Variants in PLCB4 observed in about 807,000 individuals in gnomAD.
The protein encoded by PLCB4 is phospholipase C beta 4, also known as 1-phosphatidylinositol 4,5-bisphosphate phosphodiesterase beta-4.
A neutral mutation model predicts 178.8 loss-of-function variants in PLCB4; 77 were observed. The observed-to-expected ratio is 0.43, with a 90% CI of 0.36 to 0.52. PLCB4 has a LOEUF of 0.52. Ranked by LOEUF, PLCB4 falls within the 20% of genes least tolerant of loss-of-function variation. The pLI is 0.00. For missense variants in PLCB4, 1,024 were observed against 1,453.4 expected, an observed-to-expected ratio of 0.70 and a Z score of 4.80; for synonymous variants, 496 against 490.8, an observed-to-expected ratio of 1.01 and a Z score of -0.14.
intron 2 of PLCB4, among the ~76,000 whole-genome samples, chr20:9,119,700 G>T (rs1304598788): frequency 1.3e-5 from 2 of 152,086 alleles, no homozygotes; most frequent in Non-Finnish European, 2.9e-5. Flanking sequence ...ATTTGTCAAG[G>T]TTAATGACTG....
chr20:9,105,698 A>T (rs1249985201), intron 2 of PLCB4, among the ~76,000 whole-genome samples: 4 of 152,058 alleles, frequency 2.6e-5, no homozygotes, highest in Admixed American at 2.6e-4. Context: ...GGTGTTTCAG[A>T]TTGGTAGGAA....
chr20:9,348,214 A>C (rs1806323104), intron 7 of PLCB4, among the ~76,000 whole-genome samples: 1 of 152,144 alleles, frequency 6.6e-6, no homozygotes, highest in African/African-American at 2.4e-5. Context: ...TGTGGACATT[A>C]AAGGTTGAGA....
At chr20:9,276,073 C>T (rs1376864787) in intron 3 of PLCB4, among the ~76,000 whole-genome samples, 1 of 152,012 alleles carries the variant, frequency 6.6e-6, no homozygotes, top group East Asian at 1.9e-4. Context: ...AAATGTGTCA[C>T]CTAGGTAGGC....
At chr20:9,154,911 CCT>C in intron 2 of PLCB4, among the ~76,000 whole-genome samples, 1 of 102,800 alleles carries the variant, frequency 9.7e-6, no homozygotes, top group Admixed American at 9.9e-5. Flanking sequence ...TTCCCTCCTT[CCT>C]TCCTTCCTTC....
chr20:9,444,815 A>G (rs1602783415), intron 32 of PLCB4, among the ~76,000 whole-genome samples: 1 of 152,110 alleles, frequency 6.6e-6, no homozygotes, highest in African/African-American at 2.4e-5. Context: ...AATATTGAAG[A>G]CCAGCTCACA....
intron 3 of PLCB4, among the ~76,000 whole-genome samples, chr20:9,247,654 A>C (rs1276993947): frequency 3.3e-5 from 5 of 152,114 alleles, no homozygotes; most frequent in Non-Finnish European, 5.9e-5. Context: ...TTTGATTTTT[A>C]TTTGTTGAGT....
At chr20:9,115,217 T>TA (rs1237157041) in intron 2 of PLCB4, among the ~76,000 whole-genome samples, 2 of 152,114 alleles carry the variant, frequency 1.3e-5, no homozygotes, top group African/African-American at 4.8e-5. Context: ...CCATAAATCT[T>TA]ACGTTATTCA....
intron 3 of PLCB4, among the ~76,000 whole-genome samples, chr20:9,305,671 A>G (rs1568556737): frequency 1.3e-5 from 2 of 152,166 alleles, no homozygotes; most frequent in Non-Finnish European, 2.9e-5. Context: ...TATATAATAC[A>G]TTAAATTTTT....
intron 3 of PLCB4, among the ~76,000 whole-genome samples, chr20:9,222,474 T>C (rs1039637325): frequency 1.3e-5 from 2 of 152,172 alleles, no homozygotes; most frequent in African/African-American, 4.8e-5. Flanking sequence ...CACTGTCCAA[T>C]AGAAATATTA....
At chr20:9,246,341 A>G (rs2147451269) in intron 3 of PLCB4, among the ~76,000 whole-genome samples, 1 of 152,276 alleles carries the variant, frequency 6.6e-6, no homozygotes, top group Non-Finnish European at 1.5e-5. Context: ...TTACTTTTGC[A>G]CCAACCTAAT....
chr20:9,412,805 AT>A (rs1479568549), intron 25 of PLCB4, among the ~76,000 whole-genome samples: 1 of 152,174 alleles, frequency 6.6e-6, no homozygotes, highest in Non-Finnish European at 1.5e-5. Context: ...ACCTTACTCC[AT>A]GGTTCTAAAT....
At chr20:9,207,858 C>CAGGA (rs1215642016) in intron 2 of PLCB4, among the ~76,000 whole-genome samples, 2 of 152,062 alleles carry the variant, frequency 1.3e-5, no homozygotes, top group South Asian at 4.1e-4. Flanking sequence ...ATTTTTTTCT[C>CAGGA]TTTCCTCTTT....
intron 2 of PLCB4, among the ~76,000 whole-genome samples, chr20:9,126,116 A>G (rs2092107721): frequency 6.6e-6 from 1 of 152,174 alleles, no homozygotes; most frequent in Admixed American, 6.5e-5. Flanking sequence ...CAATATTAAT[A>G]TTTTTATTTC....
At chr20:9,361,840 C>T (rs879797779) in intron 7 of PLCB4, among the ~76,000 whole-genome samples, 4 of 152,286 alleles carry the variant, frequency 2.6e-5, no homozygotes, top group Admixed American at 2.0e-4. Context: ...TCTGCACTGT[C>T]TGAGCCATCA....
chr20:9,265,805 A>G (rs552486895), intron 3 of PLCB4, among the ~76,000 whole-genome samples: 2 of 152,178 alleles, frequency 1.3e-5, no homozygotes. Flanking sequence ...GCCCTGCCTC[A>G]GTGGGTCAAA....
intron 7 of PLCB4, among the ~76,000 whole-genome samples, chr20:9,352,160 T>C (rs1344066167): frequency 6.6e-6 from 1 of 152,238 alleles, no homozygotes; most frequent in Non-Finnish European, 1.5e-5. Context: ...AATCTTATTT[T>C]ATTTTTGAAA....
intron 2 of PLCB4, among the ~76,000 whole-genome samples, chr20:9,159,924 C>T (rs1233914928): frequency 1.3e-5 from 2 of 152,120 alleles, no homozygotes; most frequent in Admixed American, 6.6e-5. Flanking sequence ...TCAGTGTGCT[C>T]GTGAACTTCA....
intron 2 of PLCB4, among the ~76,000 whole-genome samples, chr20:9,200,419 A>G (rs2093528500): frequency 6.6e-6 from 1 of 152,184 alleles, no homozygotes; most frequent in South Asian, 2.1e-4. Flanking sequence ...CTCTTGCAGT[A>G]GCCTGTTAGC....
intron 24 of PLCB4, among the ~76,000 whole-genome samples, chr20:9,409,650 G>T (rs1394989184): frequency 1.3e-5 from 2 of 152,248 alleles, no homozygotes; most frequent in South Asian, 2.1e-4. Context: ...AGAATATTTT[G>T]AAGTAAATGC....
Sources: gnomAD v4.1 joint callset for allele counts (sites outside exome capture counted in the v4.1 genomes callset) on GRCh38, gnomAD v4.1.1 for gene constraint, MANE v1.5 for transcripts, NCBI Gene and HGNC (gene_info 2026-07-23, HGNC 2026-07-21) for gene names.